GPR176: variants seen among roughly 807,000 people sequenced by gnomAD.
GPR176 encodes the protein G-protein coupled receptor 176.
A neutral mutation model predicts 35.4 loss-of-function variants in GPR176; 26 were observed. The ratio of observed to expected loss-of-function variants is 0.74; its 90% CI spans 0.54 to 1.02. The LOEUF (loss-of-function observed/expected upper bound fraction) is 1.02. Among genes scored for constraint, GPR176 ranks in the 50% least tolerant of loss-of-function variants. GPR176 has a pLI of 0.00. For missense variants in GPR176, 597 were observed against 665.3 expected (o/e 0.90, Z 1.13); for synonymous variants, 278 against 271.3 (o/e 1.02, Z -0.24).
intron 1 of GPR176, among the ~76,000 whole-genome samples, chr15:39,830,764 T>C (rs1239290425): frequency 2.0e-5 from 3 of 152,220 alleles, no homozygotes; most frequent in Non-Finnish European, 2.9e-5. Context: ...AAATATCTCA[T>C]TGATTTAAAT....
intron 1 of GPR176, among the ~76,000 whole-genome samples, chr15:39,838,921 T>C (rs1595467495): frequency 6.6e-6 from 1 of 152,170 alleles, no homozygotes; most frequent in East Asian, 1.9e-4. Flanking sequence ...CATGATTGTA[T>C]ATTTAGAAAA....
intron 1 of GPR176, among the ~76,000 whole-genome samples, chr15:39,893,706 G>C (rs573192372): frequency 4.0e-5 from 6 of 151,026 alleles, no homozygotes; most frequent in African/African-American, 1.5e-4. Context: ...ATCACCTCCC[G>C]GGCGGGGCGG....
At chr15:39,883,175 T>G (rs979486328) in intron 1 of GPR176, among the ~76,000 whole-genome samples, 2 of 152,228 alleles carry the variant, frequency 1.3e-5, no homozygotes, top group Non-Finnish European at 2.9e-5. Flanking sequence ...CTTTCCAAAC[T>G]GATGGAACCA....
At chr15:39,802,653 T>C (rs1044754244) in intron 2 of GPR176, among the ~76,000 whole-genome samples, 1 of 152,230 alleles carries the variant, frequency 6.6e-6, no homozygotes, top group African/African-American at 2.4e-5. Flanking sequence ...AAAGGGTAAT[T>C]GGTAAACAAT....
Position 39,801,910 on chromosome 15 carries a change from G to A in GPR176, c.770C>T (p.Ala257Val). The change falls in exon 3 of 3, where the codon GCC becomes GTC. Residue 257 changes from alanine to valine, a missense_variant. Coordinates refer to ENST00000561100, the MANE Select transcript of GPR176 (RefSeq NM_007223.3). ...TPQNTISIPY[A>V]SQREAELHAT... ...GTGCAGCTCGGCCTCCCGCTGGGAG[G>A]CATAGGGAATAGAGATGGTGTTCTG... The A allele has an allele frequency of 6.2e-7, 1 of 1,613,972 alleles. No individual in the cohort carries two copies. Among genetic ancestry groups the A allele is most frequent in the East Asian group, 2.2e-5 (1 of 44,864 alleles).
chr15:39,807,223 T>C lies in GPR176; in HGVS notation c.208A>G (p.Thr70Ala), dbSNP rs1450462944. ...CTGTTGGTGACAGATTTGAACACGG[T>C]TGTGCGGCAAGTTGACCATAACACC... ...FMVLWSTCRT[T>A]VFKSVTNRFI... The change falls in exon 2 of 3, where the codon ACC becomes GCC. Residue 70 changes from threonine to alanine, a missense_variant. This residue lies in a region of GPR176 where 126 missense variants were observed against 112.4 expected (regional missense o/e 1.12). Transcript: ENST00000561100. The C allele has an allele frequency of 1.3e-5, 21 of 1,608,390 alleles. No homozygotes were observed. Among genetic ancestry groups the C allele is most frequent in the African/African-American group, 1.1e-4 (8 of 74,762 alleles).
intron 1 of GPR176, among the ~76,000 whole-genome samples, chr15:39,894,904 A>T: frequency 6.6e-6 from 1 of 152,116 alleles, no homozygotes; most frequent in Non-Finnish European, 1.5e-5. Flanking sequence ...GGTTGTAGCG[A>T]GCCGAGATCA....
chr15:39,851,577 T>G (rs995254975), intron 1 of GPR176, among the ~76,000 whole-genome samples: 2 of 152,208 alleles, frequency 1.3e-5, no homozygotes, highest in Non-Finnish European at 2.9e-5. Flanking sequence ...GATGAGGGTC[T>G]GGCGCTTAAA....
intron 1 of GPR176, among the ~76,000 whole-genome samples, chr15:39,906,621 CA>C (rs1454161399): frequency 2.0e-5 from 3 of 152,212 alleles, no homozygotes; most frequent in Non-Finnish European, 4.4e-5. Context: ...TTATTTAAAT[CA>C]GGTGAAACCT....
chr15:39,884,912 T>C (rs2032615570), intron 1 of GPR176, among the ~76,000 whole-genome samples: 1 of 152,032 alleles, frequency 6.6e-6, no homozygotes, highest in Non-Finnish European at 1.5e-5. Flanking sequence ...GTCCTTTAAA[T>C]AAGGAATAAT....
At chr15:39,830,502 T>C (rs1488783510) in intron 1 of GPR176, among the ~76,000 whole-genome samples, 1 of 152,100 alleles carries the variant, frequency 6.6e-6, no homozygotes, top group Non-Finnish European at 1.5e-5. Flanking sequence ...GAGACAGGAC[T>C]GGAAGAGGGA....
chr15:39,899,688 G>A (rs555244919), intron 1 of GPR176, among the ~76,000 whole-genome samples: 66 of 152,362 alleles, frequency 4.3e-4, no homozygotes, highest in Non-Finnish European at 6.2e-4. Context: ...TCATGTAGAT[G>A]TAGATTCTCC....
At chr15:39,810,205 T>C (rs1239299603) in intron 1 of GPR176, among the ~76,000 whole-genome samples, 1 of 151,846 alleles carries the variant, frequency 6.6e-6, no homozygotes, top group Non-Finnish European at 1.5e-5. Context: ...GGCACATGTT[T>C]ACCTATGGAA....
chr15:39,843,114 G>A (rs2030148777), intron 1 of GPR176, among the ~76,000 whole-genome samples: 1 of 152,010 alleles, frequency 6.6e-6, no homozygotes, highest in Non-Finnish European at 1.5e-5. Context: ...GGAGGGAAGA[G>A]TCATGGTGGC....
intron 1 of GPR176, among the ~76,000 whole-genome samples, chr15:39,888,184 C>T (rs1013705106): frequency 6.6e-6 from 1 of 152,190 alleles, no homozygotes; most frequent in Non-Finnish European, 1.5e-5. Context: ...CTATTCACTT[C>T]TCTGGTATCT....
rs1430550756 is a variant in GPR176 at position 39,802,267 on chromosome 15, CA to C, written c.426-14del. On this transcript the variant is annotated splice_polypyrimidine_tract_variant and intron_variant, in intron 2 of 2. Transcript: ENST00000561100. ...GACTGAGTAGTACCTGCAAGATACA[CA>C]AACAAAATTAATTCCACAGAAGATA... 11 of 1,548,798 alleles carry C rather than the reference CA, an allele frequency of 7.1e-6. No individual in the cohort carries two copies. The highest frequency in any genetic ancestry group is 1.4e-5 in the African/African-American group (1 of 72,662).
At position 39,801,612 on chromosome 15, in the gene GPR176, C is replaced by T. The variant is rs1898865938; in HGVS notation, c.1068G>A (p.Glu356=). ...AGCGTATGCTGGGTTCCAGGCTGGC[C>T]TCAGCCATGCCACTCCCTGTACTGA... is the stretch of plus-strand genomic sequence containing the variant. ...NVVSTGSGMA[E]ASLEPSIRSG... Residue 356 remains glutamate (E), a synonymous_variant, in exon 3 of 3, where the codon GAG becomes GAA. Transcript: ENST00000561100. The T allele has an allele frequency of 6.2e-7, 1 of 1,614,004 alleles. No individual in the cohort carries two copies. The highest frequency in any genetic ancestry group is 1.3e-5 in the African/African-American group (1 of 74,916).
At chr15:39,870,545 A>G (rs1346472208) in intron 1 of GPR176, among the ~76,000 whole-genome samples, 1 of 152,226 alleles carries the variant, frequency 6.6e-6, no homozygotes, top group Non-Finnish European at 1.5e-5. Context: ...TCAGTGTGTC[A>G]TAACACCAAA....
chr15:39,872,285 T>C (rs1213485221), intron 1 of GPR176, among the ~76,000 whole-genome samples: 3 of 152,196 alleles, frequency 2.0e-5, no homozygotes, highest in Non-Finnish European at 4.4e-5. Context: ...GGGATGTTCA[T>C]TCCAAACTGA....
Sources: gnomAD v4.1 joint callset for allele counts (sites outside exome capture counted in the v4.1 genomes callset) on GRCh38, gnomAD v4.1.1 for gene constraint, gnomAD v4.1.1 regional missense constraint, MANE v1.5 for transcripts, NCBI Gene and HGNC (gene_info 2026-07-23, HGNC 2026-07-21) for gene names.